Variants in RC3H1 observed in about 807,000 individuals in gnomAD.
RC3H1 encodes roquin-1.
Under a neutral mutation model 138.2 loss-of-function variants are expected in RC3H1, and 50 were observed. The observed-to-expected ratio is 0.36, with a 90% confidence interval of 0.29 to 0.46. The LOEUF (loss-of-function observed/expected upper bound fraction) is 0.46. Ranked by LOEUF, RC3H1 falls within the 20% of genes least tolerant of loss-of-function variation. The probability of loss-of-function intolerance (pLI) is 1.00; values close to 1 mark genes in which losing one functional copy is unlikely to be tolerated. For synonymous variants in RC3H1, 462 were observed against 489.1 expected (o/e 0.94, Z 0.73); for missense variants, 1,031 against 1,388.1 (o/e 0.74, Z 4.09).
intron 13 of RC3H1, among the ~76,000 whole-genome samples, chr1:173,955,950 G>A (rs972437391): frequency 1.3e-5 from 2 of 151,942 alleles, no homozygotes; most frequent in Non-Finnish European, 2.9e-5. Flanking sequence ...GGCCAACATG[G>A]TGAAACCCTG....
Position 173,941,314 on chromosome 1 carries a change from G to T in RC3H1, c.3202C>A (p.Pro1068Thr). The T allele has an allele frequency of 6.2e-7, 1 of 1,613,852 alleles. No individual in the cohort carries two copies. The highest frequency in any genetic ancestry group is 8.5e-7 in the Non-Finnish European group (1 of 1,179,942). ...GCCGGAACCTTGTTTTGTGGTTCTG[G>T]TTGTCCATTTTCTGCTTGTTTACTT... ...NTSKQAENGQ[P>T]EPQNKVPAED... The change falls in exon 19 of 20, where the codon CCA becomes ACA. Residue 1068 changes from proline (P) to threonine (T), a missense_variant. This residue lies in a region of RC3H1 where 716 missense variants were observed against 837.9 expected (regional missense o/e 0.85). Coordinates refer to ENST00000367696, the MANE Select transcript of RC3H1 (RefSeq NM_172071.4).
Position 174,001,712 on chromosome 1 carries a change from T to C in RC3H1, c.-150-8577A>G, listed in dbSNP as rs7518172. ...CCAAAGTGCAGGGATTATATAGGCA[T>C]GAGCCACCACGCCCAGCCAAAAGCA... On this transcript the variant is annotated intron_variant, in intron 1 of 19. Transcript: ENST00000367696. 4.0e-3 allele frequency among the ~76,000 whole-genome samples: 606 copies of C among 152,276 alleles called. 4 individuals are homozygous for C. Among genetic ancestry groups the C allele is most frequent in the African/African-American group, 0.013 (525 of 41,560 alleles).
chr1:173,989,899 TG>T (rs1309192904), intron 2 of RC3H1, among the ~76,000 whole-genome samples: 1 of 148,532 alleles, frequency 6.7e-6, no homozygotes, highest in African/African-American at 2.5e-5. Context: ...GCTAATTTTT[TG>T]TATTTTTAGT....
intron 13 of RC3H1, among the ~76,000 whole-genome samples, chr1:173,956,057 G>C (rs1201944168): frequency 1.3e-5 from 2 of 151,524 alleles, no homozygotes; most frequent in Non-Finnish European, 2.9e-5. Flanking sequence ...CTTGAACCTG[G>C]GAGGTGGAGG....
Position 174,022,319 on chromosome 1 carries a change from TCCTC to T in RC3H1, c.-378_-375del, listed in dbSNP as rs1661987217. The T allele has an allele frequency of 5.3e-6, 2 of 379,920 alleles. No homozygotes were observed. Among genetic ancestry groups the T allele is most frequent in the Non-Finnish European group, 9.3e-6 (2 of 214,412 alleles). 23.5% of individuals were successfully genotyped at this position (379,920 alleles called of 1,614,324 possible). A position where few individuals can be genotyped will look rare whatever the true frequency, so the allele number is the denominator to read the frequency against. On this transcript the variant is annotated 5_prime_UTR_variant, in exon 1 of 20. Transcript: ENST00000367696. The surrounding 1 kb of genome is among the most constrained non-coding windows in gnomAD (Gnocchi z 4.2). ...GCCATCTTGTTGCTCGGCCTCCTCTTCCTCCTCCTCGTCCTCCGCCGCCCAGTCG... is the reference window on the plus strand; with the variant it reads ...GCCATCTTGTTGCTCGGCCTCCTCTTCTCCTCGTCCTCCGCCGCCCAGTCG...
chr1:173,984,704 C>T (rs1216395068), intron 2 of RC3H1, 85 bp from the exon 3 acceptor site: 7 of 1,353,660 alleles, frequency 5.2e-6, no homozygotes, highest in Non-Finnish European at 7.0e-6. Context: ...ATAATGCTGA[C>T]ACTGGTAACA....
intron 13 of RC3H1, among the ~76,000 whole-genome samples, chr1:173,958,314 G>A (rs548367901): frequency 5.3e-5 from 8 of 152,100 alleles, no homozygotes; most frequent in Non-Finnish European, 7.4e-5. Context: ...AGGCCAAGAC[G>A]GGCAGATCAT....
rs1325813962 is a variant in RC3H1 at position 173,961,194 on chromosome 1, T to C, written c.2253A>G (p.Leu751=). The change falls in exon 13 of 20, where the codon CTA becomes CTG. Residue 751 remains leucine (L), a synonymous_variant. Transcript: ENST00000367696. ...LPPPPQPHPS[L]DELHRRRKEI... The stretch of plus-strand genomic sequence containing the variant: ...CCTTTCGTCGGCGATGTAGTTCATC[T>C]AGACTAGGATGAGGCTGGGGAGGAG... 1.2e-6 allele frequency: 2 copies of C among 1,614,112 alleles called. No homozygotes were observed. Among genetic ancestry groups the C allele is most frequent in the South Asian group, 2.2e-5 (2 of 91,086 alleles).
intron 14 of RC3H1, among the ~76,000 whole-genome samples, chr1:173,949,437 C>T (rs896430677): frequency 2.0e-5 from 3 of 151,386 alleles, no homozygotes; most frequent in Non-Finnish European, 2.9e-5. Flanking sequence ...GGCGCAATCT[C>T]GGTTCACTGC....
In RC3H1 at chr1:173,968,397, A is replaced by G. The variant is rs188571271; in HGVS notation, c.1334+2108T>C. On this transcript the variant is annotated intron_variant, in intron 9 of 19. Transcript: ENST00000367696. ...ATCAAACCTTATCCAAGAACACAGT[A>G]TATTTACTCAATATTTCTCTTATGT... Among the ~76,000 whole-genome samples the G allele has an allele frequency of 1.9e-4, 29 of 152,322 alleles. No homozygotes were observed. In the East Asian group the frequency reaches 5.4e-3, roughly 28 times the overall value.
intron 17 of RC3H1, among the ~76,000 whole-genome samples, chr1:173,944,291 T>A (rs1013957142): frequency 6.6e-6 from 1 of 152,172 alleles, no homozygotes. Flanking sequence ...CTTATTTCAA[T>A]GAAACCTCAG....
intron 13 of RC3H1, among the ~76,000 whole-genome samples, chr1:173,958,922 T>G (rs917913719): frequency 2.0e-5 from 3 of 152,190 alleles, no homozygotes; most frequent in African/African-American, 7.2e-5. Flanking sequence ...ATCTTTGATA[T>G]TCTTTCTTAT....
At chr1:173,994,022 G>GAAAAAAA (rs372280833) in intron 1 of RC3H1, among the ~76,000 whole-genome samples, 2 of 46,956 alleles carry the variant, frequency 4.3e-5, no homozygotes, top group Non-Finnish European at 8.0e-5. Flanking sequence ...CTCCATCTCA[G>GAAAAAAA]AAAAAAAAAA....
rs952404830 is a variant in RC3H1, at chr1:173,993,078, CT to C, written c.-94del. On this transcript the variant is annotated 5_prime_UTR_variant, in exon 2 of 20. Coordinates refer to ENST00000367696, the MANE Select transcript of RC3H1 (RefSeq NM_172071.4). Reference sequence around the variant, plus strand: ...TCAAAATCTTTGAAAAAAAGTTTATCTTTTTTTTTTTTAAATATCTTCTGTA... The same window carrying C: ...TCAAAATCTTTGAAAAAAAGTTTATCTTTTTTTTTTTAAATATCTTCTGTA... The C allele has an allele frequency of 0.051, 29,197 of 568,972 alleles. 10 individuals carry two copies. Among genetic ancestry groups the C allele is most frequent in the South Asian group, 0.065 (2,071 of 31,724 alleles). The allele number at this position is 568,972 out of a possible 1,614,324, so 35.2% of individuals were successfully genotyped here.
intron 14 of RC3H1, among the ~76,000 whole-genome samples, 170 bp downstream of exon 14, chr1:173,951,816 C>T (rs576884518): frequency 6.6e-6 from 1 of 151,938 alleles, no homozygotes; most frequent in East Asian, 1.9e-4. Flanking sequence ...TTATTTACAC[C>T]TAAATGAATC....
intron 2 of RC3H1, among the ~76,000 whole-genome samples, chr1:173,986,933 C>T (rs1169299106): frequency 6.6e-6 from 1 of 152,146 alleles, no homozygotes; most frequent in Non-Finnish European, 1.5e-5. Context: ...ATGACCTTGA[C>T]AGTTTTGAGG....
intron 2 of RC3H1, among the ~76,000 whole-genome samples, chr1:173,986,099 G>C (rs1468605892): frequency 6.7e-6 from 1 of 149,678 alleles, no homozygotes; most frequent in Non-Finnish European, 1.5e-5. Context: ...TCGGCTCACT[G>C]CAACCTCCGC....
intron 9 of RC3H1, among the ~76,000 whole-genome samples, chr1:173,968,208 A>G (rs1300516338): frequency 6.6e-6 from 1 of 152,204 alleles, no homozygotes; most frequent in African/African-American, 2.4e-5. Flanking sequence ...TTATTAGTCT[A>G]GTTCCTGTCT....
Position 173,992,943 on chromosome 1 carries a change from G to C in RC3H1, c.43C>G (p.Pro15Ala), listed in dbSNP as rs1487390883. The C allele has an allele frequency of 6.2e-7, 1 of 1,613,884 alleles. No homozygotes were observed. The highest frequency in any genetic ancestry group is 1.3e-5 in the African/African-American group (1 of 74,842). ...TCGTCGAAAGTCTGAGTGCAAATTG[G>C]GCAGGAGAGGAAATCCGTCCATTGT... is the stretch of plus-strand genomic sequence containing the variant. ...APQWTDFLSC[P>A]ICTQTFDETI... Residue 15 changes from proline (P) to alanine (A), a missense_variant, in exon 2 of 20, where the codon CCA becomes GCA. By Grantham distance (27) the Pro-to-Ala change is conservative (BLOSUM62 -1). This residue lies in a region of RC3H1 where 35 missense variants were observed against 69.4 expected (regional missense o/e 0.50). Coordinates refer to ENST00000367696, the MANE Select transcript of RC3H1 (RefSeq NM_172071.4).
Sources: allele counts gnomAD v4.1 joint callset (sites outside exome capture counted in the v4.1 genomes callset), GRCh38; gene constraint gnomAD v4.1.1; regional missense constraint gnomAD v4.1.1; non-coding constraint Gnocchi (gnomAD v3.1); transcripts MANE v1.5; gene names NCBI Gene and HGNC (gene_info 2026-07-23, HGNC 2026-07-21).